The following BRCA1 variants were observed in gnomAD, a reference collection of about 807,000 sequenced individuals.
BRCA1 encodes BRCA1 DNA repair associated.
Under a neutral mutation model 173.7 loss-of-function variants are expected in BRCA1, and 140 were observed. The ratio of observed to expected loss-of-function variants is 0.81; its 90% CI spans 0.70 to 0.93. The LOEUF is 0.93. Among genes scored for constraint, BRCA1 ranks in the 40% least tolerant of loss-of-function variants. The pLI is 0.00. For missense variants in BRCA1, 1,983 were observed against 2,172.5 expected (o/e 0.91, Z 1.73); for synonymous variants, 662 against 756.0 (o/e 0.88, Z 2.04).
chr17:43,089,970 C>G (rs1246019610), intron 11 of BRCA1, among the ~76,000 whole-genome samples: 1 of 151,212 alleles, frequency 6.6e-6, no homozygotes, highest in African/African-American at 2.4e-5. Context: ...CTGCACTACT[C>G]CATTCCAGCC....
chr17:43,127,658 A>C (rs1754547110), upstream of BRCA1, among the ~76,000 whole-genome samples: 1 of 152,168 alleles, frequency 6.6e-6, no homozygotes, highest in Non-Finnish European at 1.5e-5. Context: ...CACCCTGTCA[A>C]AACGGACCAA....
At chr17:43,135,253 C>A (rs1356304528) in intron 1 of BRCA1, among the ~76,000 whole-genome samples, 6 of 152,210 alleles carry the variant, frequency 3.9e-5, no homozygotes, top group East Asian at 3.9e-4. Context: ...GGATCGGAGC[C>A]CCCTGGCCGA....
Position 43,044,372 on chromosome 17 carries a change from T to C in BRCA1, c.*1306A>G, listed in dbSNP as rs1329964706. ...AAAACGTATTTTGTACAATCAAGTC[T>C]TCACTGCCCTTGCACACTGGGGGGG... is the stretch of plus-strand genomic sequence containing the variant. On this transcript the variant is annotated 3_prime_UTR_variant, in exon 23 of 23. Transcript: ENST00000357654. The C allele has an allele frequency of 1.6e-5, 8 of 503,446 alleles. No homozygotes were observed. Among genetic ancestry groups the C allele is most frequent in the Non-Finnish European group, 2.7e-5 (7 of 256,722 alleles). 31.2% of individuals were successfully genotyped at this position (503,446 alleles called of 1,614,324 possible).
At chr17:43,064,077 C>T in intron 16 of BRCA1, 126 bp from the exon 17 acceptor site, 3 of 785,642 alleles carry the variant, frequency 3.8e-6, no homozygotes, top group Non-Finnish European at 6.6e-6. Flanking sequence ...GATTCTAAAA[C>T]CCCTGGTGAC....
At chr17:43,098,983 A>ATT (rs577010874) in intron 7 of BRCA1, among the ~76,000 whole-genome samples, 4 of 130,474 alleles carry the variant, frequency 3.1e-5, no homozygotes, top group Admixed American at 7.7e-5. Context: ...ACCCCGGCTA[A>ATT]TTTTTTTTTT....
At position 43,092,064 on chromosome 17, in the gene BRCA1, T is replaced by A. The variant is rs2154312065; in HGVS notation, c.3467A>T (p.Asp1156Val). The A allele has an allele frequency of 6.2e-7, 1 of 1,614,056 alleles. No individual in the cohort carries two copies. The highest frequency in any genetic ancestry group is 2.2e-5 in the East Asian group (1 of 44,892). The change falls in exon 10 of 23, where the codon GAT (aspartate) becomes GTT (valine). Residue 1156 changes from aspartate (D) to valine (V), a missense_variant. Transcript: ENST00000357654. ...CSETPDDLLDDGEIKEDTSFA... is the reference protein window; with the variant it reads ...CSETPDDLLDVGEIKEDTSFA... ...ACTAGTATCTTCCTTTATTTCACCA[T>A]CATCTAACAGGTCATCAGGTGTCTC...
chr17:43,073,104 G>C (rs182512548), intron 14 of BRCA1, among the ~76,000 whole-genome samples: 1 of 152,054 alleles, frequency 6.6e-6, no homozygotes, highest in Non-Finnish European at 1.5e-5. Flanking sequence ...GGCCAAGGTA[G>C]GAAGATTGCA....
At chr17:43,129,621 C>T (rs1398601309), upstream of BRCA1, among the ~76,000 whole-genome samples, 2 of 152,078 alleles carry the variant, frequency 1.3e-5, no homozygotes, top group African/African-American at 4.8e-5. Flanking sequence ...CTACAGGCAC[C>T]CGCCATCACG....
chr17:43,090,427 G>A (rs759802538), intron 11 of BRCA1, among the ~76,000 whole-genome samples: 2 of 152,202 alleles, frequency 1.3e-5, no homozygotes, highest in Non-Finnish European at 2.9e-5. Context: ...AGGCTGGAGT[G>A]CAGTGGTACA....
intron 1 of BRCA1, among the ~76,000 whole-genome samples, chr17:43,131,754 C>T (rs1034467502): frequency 1.3e-5 from 2 of 150,816 alleles, no homozygotes; most frequent in Non-Finnish European, 3.0e-5. Flanking sequence ...TTTTTATTTT[C>T]TTTTCTTTTC....
chr17:43,055,983 C>G (rs2051439726), intron 19 of BRCA1, among the ~76,000 whole-genome samples: 1 of 152,082 alleles, frequency 6.6e-6, no homozygotes, highest in African/African-American at 2.4e-5. Flanking sequence ...GCTAGACTTC[C>G]TGAGTTCAAC....
chr17:43,120,613 A>C (rs2055503398), intron 2 of BRCA1, among the ~76,000 whole-genome samples: 1 of 151,454 alleles, frequency 6.6e-6, no homozygotes, highest in African/African-American at 2.4e-5. Context: ...AAAATACAAA[A>C]AATTAGCCGG....
intron 13 of BRCA1, among the ~76,000 whole-genome samples, chr17:43,075,031 AGAAG>A (rs893587178): frequency 6.7e-6 from 1 of 150,262 alleles, no homozygotes; most frequent in East Asian, 2.0e-4. Flanking sequence ...AAAGAAGGAA[AGAAG>A]GAAGGAAGGG....
chr17:43,155,294 C>T (rs1040922056), intron 1 of BRCA1, among the ~76,000 whole-genome samples: 16 of 152,072 alleles, frequency 1.1e-4, no homozygotes, highest in Admixed American at 3.9e-4. Context: ...CTCAGCCTCC[C>T]GAGTAGCTGG....
At chr17:43,124,597 T>TA (rs2055778770) in intron 1 of BRCA1, 1 of 176,264 alleles carries the variant, frequency 5.7e-6, no homozygotes, top group African/African-American at 2.4e-5. Flanking sequence ...GACGCTCCTC[T>TA]ACTTCCCTCT....
At chr17:43,053,322 C>A (rs753806745) in intron 19 of BRCA1, among the ~76,000 whole-genome samples, 1 of 152,182 alleles carries the variant, frequency 6.6e-6, no homozygotes, top group Non-Finnish European at 1.5e-5. Flanking sequence ...ATGTTTATAT[C>A]CAGGCTAACA....
intron 1 of BRCA1, chr17:43,166,833 T>C (rs1471351609): frequency 6.6e-6 from 1 of 152,104 alleles, no homozygotes; most frequent in East Asian, 1.9e-4. Context: ...AGGCCACACT[T>C]CCACTCAAAT....
chr17:43,145,077 C>G, intron 1 of BRCA1: 1 of 815,890 alleles, frequency 1.2e-6, no homozygotes, highest in Non-Finnish European at 2.1e-6. Context: ...AAGGCAGCAG[C>G]GAAGGATAAA....
At chr17:43,130,553 A>G (rs955429634) in intron 1 of BRCA1, among the ~76,000 whole-genome samples, 1 of 152,162 alleles carries the variant, frequency 6.6e-6, no homozygotes, top group Non-Finnish European at 1.5e-5. Flanking sequence ...GACTCAAGCG[A>G]TCTGCCTGCC....
Sources: allele counts gnomAD v4.1 joint callset (sites outside exome capture counted in the v4.1 genomes callset), GRCh38; gene constraint gnomAD v4.1.1; transcripts MANE v1.5; gene names NCBI Gene and HGNC (gene_info 2026-07-23, HGNC 2026-07-21).